The following SHANK2 variants were observed in gnomAD, a reference collection of about 807,000 sequenced individuals.
SHANK2 encodes SH3 and multiple ankyrin repeat domains protein 2.
Under a neutral mutation model 133.7 loss-of-function variants are expected in SHANK2, and 43 were observed. The ratio of observed to expected loss-of-function variants is 0.32; its 90% CI spans 0.25 to 0.41. SHANK2 has a LOEUF of 0.41. Ranked by LOEUF, SHANK2 falls within the 10% of genes least tolerant of loss-of-function variation. The pLI, the probability that SHANK2 is intolerant of heterozygous loss-of-function variation, is 1.00. For missense variants in SHANK2, 1,994 were observed against 2,235.8 expected, an observed-to-expected ratio of 0.89 and a Z score of 2.18; for synonymous variants, 1,017 against 952.8, an observed-to-expected ratio of 1.07 and a Z score of -1.24.
chr11:70,792,303 C>T (rs1275117182), intron 14 of SHANK2, among the ~76,000 whole-genome samples: 1 of 143,778 alleles, frequency 7.0e-6, no homozygotes, highest in Non-Finnish European at 1.5e-5. Context: ...AATCAACCAA[C>T]CAACCAACCA....
Position 70,869,997 on chromosome 11 carries a change from C to T in SHANK2, c.1174+26504G>A, listed in dbSNP as rs542654544. Reference sequence around the variant, plus strand: ...CAAATCCATGTCCACCCAGAACCTACGAATGGGGCCTTAACTGGAAATGGG... The same window carrying T: ...CAAATCCATGTCCACCCAGAACCTATGAATGGGGCCTTAACTGGAAATGGG... On this transcript the variant is annotated intron_variant, in intron 11 of 25. Coordinates refer to ENST00000601538, the MANE Select transcript of SHANK2 (RefSeq NM_012309.5). Among the ~76,000 whole-genome samples the T allele has an allele frequency of 5.9e-5, 9 of 152,288 alleles. No individual in the cohort carries two copies. In the East Asian group the frequency reaches 7.7e-4, roughly 13 times the overall value.
At position 70,486,161 on chromosome 11, in the gene SHANK2, C is replaced by T. The variant is rs782370135; in HGVS notation, c.4132G>A (p.Val1378Met). The T allele has an allele frequency of 2.5e-6, 4 of 1,613,858 alleles. No homozygotes were observed. In the Admixed American group the frequency reaches 5.0e-5, roughly 20 times the overall value. The change falls in exon 25 of 26, where the codon GTG becomes ATG. Residue 1378 changes from valine to methionine, a missense_variant. By Grantham distance (21) the Val-to-Met change is conservative. This residue lies in a region of SHANK2 where 797 missense variants were observed against 907.4 expected (regional missense o/e 0.88). Transcript: ENST00000601538. This position sits in a 1 kb window ranked among gnomAD's most constrained non-coding sequence, Gnocchi z 8.0. Reference protein sequence around the residue: ...TTVPGRTIVAVGSMEEAVILP... With the variant: ...TTVPGRTIVAMGSMEEAVILP... ...ATCACCGCCTCTTCCATGGAGCCCACCGCGACGATGGTTCTGCCGGGCACG... is the reference window on the plus strand; with the variant it reads ...ATCACCGCCTCTTCCATGGAGCCCATCGCGACGATGGTTCTGCCGGGCACG...
chr11:70,769,282 C>A (rs1017434098), intron 14 of SHANK2, among the ~76,000 whole-genome samples: 1 of 152,154 alleles, frequency 6.6e-6, no homozygotes, highest in Admixed American at 6.5e-5. Context: ...ACGCGGTGGC[C>A]CCAGGGACGG....
chr11:71,244,829 G>A (rs1439534092), intron 1 of SHANK2, among the ~76,000 whole-genome samples: 5 of 152,080 alleles, frequency 3.3e-5, no homozygotes, highest in Non-Finnish European at 7.4e-5. Context: ...TTAGCCTTCT[G>A]AGTAGCTGGG....
At chr11:70,698,194 C>T (rs1233984822) in intron 15 of SHANK2, 1 of 184,290 alleles carries the variant, frequency 5.4e-6, no homozygotes, top group Non-Finnish European at 1.1e-5. Context: ...CGAACTCAAA[C>T]CTGCTGTGCT....
At chr11:70,849,078 C>CA (rs1555064610) in intron 11 of SHANK2, among the ~76,000 whole-genome samples, 1 of 152,112 alleles carries the variant, frequency 6.6e-6, no homozygotes, top group Non-Finnish European at 1.5e-5. Context: ...GCCTGGACCT[C>CA]ACACTCCGGA....
intron 2 of SHANK2, among the ~76,000 whole-genome samples, chr11:71,159,802 G>A (rs1952975662): frequency 1.3e-5 from 2 of 151,962 alleles, no homozygotes; most frequent in Non-Finnish European, 1.5e-5. Flanking sequence ...TGGCCAACAT[G>A]GCAAAACCCT....
At chr11:70,880,571 T>C (rs530970390) in intron 11 of SHANK2, among the ~76,000 whole-genome samples, 1 of 152,346 alleles carries the variant, frequency 6.6e-6, no homozygotes, top group South Asian at 2.1e-4. Flanking sequence ...ATGCCCCCTC[T>C]GTGAGGCCAG....
At chr11:70,704,961 A>G (rs1404934039) in intron 14 of SHANK2, among the ~76,000 whole-genome samples, 1 of 152,136 alleles carries the variant, frequency 6.6e-6, no homozygotes, top group Non-Finnish European at 1.5e-5. Flanking sequence ...GGAGGTTTTA[A>G]TTCCAAATGC....
chr11:70,720,160 C>G (rs1343821511), intron 14 of SHANK2, among the ~76,000 whole-genome samples: 1 of 152,190 alleles, frequency 6.6e-6, no homozygotes, highest in Non-Finnish European at 1.5e-5. Flanking sequence ...CACAGCTGCA[C>G]CCCCAGGGCC....
chr11:70,473,556 G>GATCTGCCACTAGA lies in SHANK2; in HGVS notation c.4980-118_4980-117insTCTAGTGGCAGAT. The GATCTGCCACTAGA allele has an allele frequency of 1.0e-6, 1 of 987,552 alleles. No homozygotes were observed. The highest frequency in any genetic ancestry group is 1.6e-6 in the Non-Finnish European group (1 of 642,060). 61.2% of individuals were successfully genotyped at this position (987,552 alleles called of 1,614,324 possible). On this transcript the variant is annotated intron_variant, in intron 25 of 25. Transcript: ENST00000601538. This position sits in a 1 kb window ranked among gnomAD's most constrained non-coding sequence, Gnocchi z 5.9. ...CCAAACCATGCCAGAGTGTCTAGTG[G>GATCTGCCACTAGA]CAGATCCACTGGCAGTGAACGAATG...
At position 70,535,070 on chromosome 11, in the gene SHANK2, C is replaced by A. The variant is rs1554973930; in HGVS notation, c.2062-32139G>T. On this transcript the variant is annotated intron_variant, in intron 17 of 25. Coordinates refer to ENST00000601538, the MANE Select transcript of SHANK2 (RefSeq NM_012309.5). The surrounding 1 kb of genome is among the most constrained non-coding windows in gnomAD (Gnocchi z 4.3). Reference sequence around the variant, plus strand: ...CCCACCCATGTTGAACAGGGCAGAGCTGACCTGGAGGGAAGACTGGCTTTG... The same window carrying A: ...CCCACCCATGTTGAACAGGGCAGAGATGACCTGGAGGGAAGACTGGCTTTG... Among the ~76,000 whole-genome samples, 1 of 152,216 alleles carries A rather than the reference C, an allele frequency of 6.6e-6. No homozygotes were observed.
At chr11:70,624,399 T>C (rs539405517) in intron 17 of SHANK2, among the ~76,000 whole-genome samples, 57 of 151,944 alleles carry the variant, frequency 3.8e-4, no homozygotes, top group Non-Finnish European at 6.5e-4. Context: ...CCAGGGGGTG[T>C]TGGACACACT....
intron 17 of SHANK2, among the ~76,000 whole-genome samples, chr11:70,545,743 C>G (rs540078201): frequency 6.6e-6 from 1 of 152,344 alleles, no homozygotes; most frequent in East Asian, 1.9e-4. Context: ...CAGTACCTCC[C>G]AGAGTCAGTG....
intron 25 of SHANK2, among the ~76,000 whole-genome samples, chr11:70,481,968 C>G (rs1288333858): frequency 6.6e-6 from 1 of 152,234 alleles, no homozygotes; most frequent in South Asian, 2.1e-4. Flanking sequence ...TCCTGGACCC[C>G]CCCCCAGTGG....
intron 10 of SHANK2, among the ~76,000 whole-genome samples, chr11:70,934,364 G>A (rs185702767): frequency 7.2e-5 from 11 of 151,988 alleles, no homozygotes; most frequent in Non-Finnish European, 1.3e-4. Context: ...CCGTGCAGCC[G>A]GCCGGCCTCC....
At chr11:71,162,388 A>G (rs542856529) in intron 2 of SHANK2, among the ~76,000 whole-genome samples, 1 of 150,746 alleles carries the variant, frequency 6.6e-6, no homozygotes, top group East Asian at 2.0e-4. Context: ...CATGCTGACG[A>G]CCTTATTTAA....
chr11:70,674,682 T>C (rs573947528), intron 15 of SHANK2, among the ~76,000 whole-genome samples: 16 of 152,310 alleles, frequency 1.1e-4, no homozygotes, highest in African/African-American at 3.6e-4. Context: ...CTGCAAATGT[T>C]CTAGACCAGG....
At chr11:70,924,136 A>G (rs1426479962) in intron 10 of SHANK2, among the ~76,000 whole-genome samples, 1 of 152,178 alleles carries the variant, frequency 6.6e-6, no homozygotes, top group Non-Finnish European at 1.5e-5. Context: ...TTTCAAATGC[A>G]CAAGACTCAG....
Sources: gnomAD v4.1 joint callset for allele counts (sites outside exome capture counted in the v4.1 genomes callset) on GRCh38, gnomAD v4.1.1 for gene constraint, gnomAD v4.1.1 regional missense constraint, Gnocchi (gnomAD v3.1) non-coding constraint, MANE v1.5 for transcripts, NCBI Gene and HGNC (gene_info 2026-07-23, HGNC 2026-07-21) for gene names.